Variants in OSTC observed in about 807,000 individuals in gnomAD.
OSTC encodes the protein oligosaccharyltransferase complex non-catalytic subunit.
Under a neutral mutation model 16.4 loss-of-function variants are expected in OSTC, and 16 were observed. The ratio of observed to expected loss-of-function variants is 0.98; its 90% CI spans 0.66 to 1.49. OSTC has a LOEUF of 1.49. OSTC is among the 40% of genes most tolerant of loss of function. OSTC has a pLI of 0.00. For missense variants in OSTC, 139 were observed against 186.3 expected, an observed-to-expected ratio of 0.75 and a Z score of 1.48; for synonymous variants, 67 against 68.5, an observed-to-expected ratio of 0.98 and a Z score of 0.11.
At chr4:108,661,217 CAAAA>C (rs34609606) in intron 3 of OSTC, among the ~76,000 whole-genome samples, 5 of 103,290 alleles carry the variant, frequency 4.8e-5, no homozygotes, top group Admixed American at 9.9e-5. Flanking sequence ...GACTCCATCT[CAAAA>C]AAAAAAAAAA....
chr4:108,667,231 A>G lies in OSTC; in HGVS notation c.432-16A>G, dbSNP rs749683008. On this transcript the variant is annotated splice_polypyrimidine_tract_variant and intron_variant, in intron 3 of 3. Coordinates refer to ENST00000361564, the MANE Select transcript of OSTC (RefSeq NM_021227.4). ...AATTCTTTTCACTTTTTGTGCTTAT[A>G]ATTATATTTCTGCAGGGGCTATCTG... 1 of 1,602,062 alleles carries G rather than the reference A, an allele frequency of 6.2e-7. No individual in the cohort carries two copies. Among genetic ancestry groups the G allele is most frequent in the Admixed American group, 1.7e-5 (1 of 58,936 alleles).
chr4:108,665,233 A>G (rs549413316), intron 3 of OSTC, among the ~76,000 whole-genome samples: 35 of 152,346 alleles, frequency 2.3e-4, no homozygotes, highest in African/African-American at 8.2e-4. Context: ...GACTCTAAAA[A>G]TAGCAGCTAA....
intron 1 of OSTC, chr4:108,651,064 T>A: frequency 2.5e-6 from 1 of 397,636 alleles, no homozygotes; most frequent in Non-Finnish European, 4.6e-6. Context: ...TCAAATATAT[T>A]TTTCAAGGCC....
At chr4:108,657,763 G>A (rs1726747903) in intron 3 of OSTC, 116 bp downstream of exon 3, 2 of 907,612 alleles carry the variant, frequency 2.2e-6, no homozygotes, top group Non-Finnish European at 3.3e-6. Context: ...GAAAAATCCA[G>A]AAACCAAATA....
At chr4:108,650,972 C>A in intron 1 of OSTC, 178 bp downstream of exon 1, 1 of 818,282 alleles carries the variant, frequency 1.2e-6, no homozygotes, top group Non-Finnish European at 1.9e-6. Flanking sequence ...TATTCGCCTT[C>A]ACGCCCTGTC....
Position 108,650,802 on chromosome 4 carries a change from G to A in OSTC, c.139+8G>A, listed in dbSNP as rs774547404. 18 of 1,614,014 alleles carry A rather than the reference G, an allele frequency of 1.1e-5. No individual in the cohort carries two copies. The highest frequency in any genetic ancestry group is 1.4e-5 in the Non-Finnish European group (17 of 1,179,964). On this transcript the variant is annotated splice_region_variant and intron_variant, in intron 1 of 3. Transcript: ENST00000361564. ...ACTTCCTCATCACCGGAGGTAACTC[G>A]GGCTGTCGGGCCCGAGAGGCTGAGG... is the stretch of plus-strand genomic sequence containing the variant.
Position 108,650,769 on chromosome 4 carries a change from G to T in OSTC, c.114G>T (p.Val38=), listed in dbSNP as rs1726508870. The change falls in exon 1 of 4, where the codon GTG becomes GTT. Residue 38 remains valine (V), a synonymous_variant. Transcript: ENST00000361564. ...PSAMTVYALV[V]VSYFLITGGI... is the part of the protein sequence containing the mutation. ...CCATGACTGTGTATGCTCTGGTGGTGGTGTCTTACTTCCTCATCACCGGAG... is the reference window on the plus strand; with the variant it reads ...CCATGACTGTGTATGCTCTGGTGGTTGTGTCTTACTTCCTCATCACCGGAG... 1 of 1,614,220 alleles carries T rather than the reference G, an allele frequency of 6.2e-7. No homozygotes were observed. The highest frequency in any genetic ancestry group is 1.3e-5 in the African/African-American group (1 of 75,072).
intron 1 of OSTC, among the ~76,000 whole-genome samples, chr4:108,653,025 C>G (rs1420714202): frequency 6.6e-6 from 1 of 152,104 alleles, no homozygotes; most frequent in Non-Finnish European, 1.5e-5. Context: ...GGCAACAGAG[C>G]AAGGCCCTGT....
intron 1 of OSTC, among the ~76,000 whole-genome samples, chr4:108,651,796 T>C (rs2110379856): frequency 6.6e-6 from 1 of 152,192 alleles, no homozygotes; most frequent in East Asian, 1.9e-4. Context: ...GGCCATATAA[T>C]TGTTATTTTC....
intron 1 of OSTC, among the ~76,000 whole-genome samples, chr4:108,653,694 A>G (rs1176465432): frequency 1.3e-5 from 2 of 152,158 alleles, no homozygotes; most frequent in African/African-American, 4.8e-5. Context: ...TTTTGGGGTA[A>G]AATTAGTTGG....
intron 3 of OSTC, among the ~76,000 whole-genome samples, chr4:108,666,580 G>T (rs571653972): frequency 1.3e-5 from 2 of 151,736 alleles, no homozygotes; most frequent in Non-Finnish European, 2.9e-5. Flanking sequence ...GCGTGGTGGC[G>T]GTCACCTGTA....
chr4:108,662,837 G>A (rs1292832724), intron 3 of OSTC, among the ~76,000 whole-genome samples: 7 of 152,182 alleles, frequency 4.6e-5, no homozygotes, highest in Non-Finnish European at 1.0e-4. Context: ...GCTGATATCC[G>A]AGGTTCATTT....
At chr4:108,660,116 G>A (rs1365254551) in intron 3 of OSTC, among the ~76,000 whole-genome samples, 2 of 152,102 alleles carry the variant, frequency 1.3e-5, no homozygotes, top group African/African-American at 2.4e-5. Flanking sequence ...TTGTCTTCCT[G>A]TCCACATTCT....
At chr4:108,655,432 C>T (rs866011074) in intron 1 of OSTC, 132 bp from the exon 2 acceptor site, 8 of 542,748 alleles carry the variant, frequency 1.5e-5, no homozygotes, top group South Asian at 2.7e-5. Flanking sequence ...CGCCACTGCA[C>T]TCTCAACCTG....
In OSTC at chr4:108,657,469, A is replaced by G. The variant is rs1726739659; in HGVS notation, c.253A>G (p.Met85Val). The G allele has an allele frequency of 3.1e-6, 5 of 1,612,086 alleles. No individual in the cohort carries two copies. Among genetic ancestry groups the G allele is most frequent in the African/African-American group, 2.7e-5 (2 of 74,874 alleles). ...LAYRVNGQYIMEGLASSFLFT... is the reference protein window; with the variant it reads ...LAYRVNGQYIVEGLASSFLFT... ...TTCCAGAGTAAATGGACAATATATT[A>G]TGGAAGGACTTGCATCCAGCTTCCT... Residue 85 changes from methionine (M) to valine (V), a missense_variant, in exon 3 of 4, where the codon ATG becomes GTG. Transcript: ENST00000361564.
intron 3 of OSTC, among the ~76,000 whole-genome samples, chr4:108,665,545 GT>G (rs1270860952): frequency 9.8e-6 from 1 of 101,892 alleles, no homozygotes; most frequent in African/African-American, 4.3e-5. Context: ...GTTTTGTTTT[GT>G]TTTGTTTTGT....
rs1241486351 is a variant in OSTC at position 108,661,492 on chromosome 4, C to A, written c.431+3845C>A. Among the ~76,000 whole-genome samples the A allele has an allele frequency of 2.0e-5, 3 of 152,152 alleles. No individual in the cohort carries two copies. The East Asian group carries it at 5.8e-4, about 29-fold the overall frequency. ...TCGGTTACTGAGTAGAAGACTGGTACACGTTTGAACTTGATTCTTCTGAAA... is the reference window on the plus strand; with the variant it reads ...TCGGTTACTGAGTAGAAGACTGGTAAACGTTTGAACTTGATTCTTCTGAAA... On this transcript the variant is annotated intron_variant, in intron 3 of 3. Transcript: ENST00000361564.
In OSTC at chr4:108,658,971, C is replaced by CTTTTTTTTTTTTTTT. The variant is rs766585998; in HGVS notation, c.431+1335_431+1349dup. Among the ~76,000 whole-genome samples the CTTTTTTTTTTTTTTT allele has an allele frequency of 4.1e-4, 34 of 83,896 alleles. 4 individuals carry two copies. Among genetic ancestry groups the CTTTTTTTTTTTTTTT allele is most frequent in the African/African-American group, 1.8e-3 (34 of 18,886 alleles). 55.0% of individuals were successfully genotyped at this position (83,896 alleles called of 152,430 possible). A position where few individuals can be genotyped will look rare whatever the true frequency, so the allele number is the denominator to read the frequency against. The stretch of plus-strand genomic sequence containing the variant: ...TGCTCAGTTTCCTCTGGCAGCAGCT[C>CTTTTTTTTTTTTTTT]TTTTTTTTTTTTTTTTTTTTTTTTT... On this transcript the variant is annotated intron_variant, in intron 3 of 3. Coordinates refer to ENST00000361564, the MANE Select transcript of OSTC (RefSeq NM_021227.4).
At chr4:108,660,119 C>T (rs971688725) in intron 3 of OSTC, among the ~76,000 whole-genome samples, 1 of 152,134 alleles carries the variant, frequency 6.6e-6, no homozygotes, top group African/African-American at 2.4e-5. Context: ...TCTTCCTGTC[C>T]ACATTCTATA....
Sources: gnomAD v4.1 joint callset for allele counts (sites outside exome capture counted in the v4.1 genomes callset) on GRCh38, gnomAD v4.1.1 for gene constraint, MANE v1.5 for transcripts, NCBI Gene and HGNC (gene_info 2026-07-23, HGNC 2026-07-21) for gene names.